The following NTSR1 variants were observed in gnomAD, a reference collection of about 807,000 sequenced individuals.
NTSR1 encodes neurotensin receptor type 1.
In NTSR1, 29 loss-of-function variants were observed where a neutral mutation model predicts 31.2. That is an observed-to-expected ratio of 0.93 (90% confidence interval 0.69 to 1.27). The LOEUF (loss-of-function observed/expected upper bound fraction) is 1.27, where lower values mean the gene tolerates loss of function less well. Among genes scored for constraint, NTSR1 ranks in the 50% most tolerant of loss-of-function variants. The probability of loss-of-function intolerance (pLI) is 0.00; values close to 1 mark genes in which losing one functional copy is unlikely to be tolerated. For missense variants in NTSR1, 697 were observed against 595.4 expected (o/e 1.17, Z -1.78); for synonymous variants, 282 against 269.9 (o/e 1.04, Z -0.44).
rs868664158 is a variant in NTSR1 at position 62,756,406 on chromosome 20, G to A, written c.916+1520G>A. On this transcript the variant is annotated intron_variant, in intron 2 of 3. Transcript: ENST00000370501. ...AACACAGGGCTTGGAGAGTGTGATGGGAACTGGAGAGAATGAAGCCCTTTC... is the reference window on the plus strand; with the variant it reads ...AACACAGGGCTTGGAGAGTGTGATGAGAACTGGAGAGAATGAAGCCCTTTC... Among the ~76,000 whole-genome samples the A allele has an allele frequency of 3.3e-5, 5 of 152,372 alleles. No homozygotes were observed. The South Asian group carries it at 6.2e-4, about 19-fold the overall frequency.
Position 62,741,119 on chromosome 20 carries a change from T to A in NTSR1, c.715-13566T>A, listed in dbSNP as rs997007445. Among the ~76,000 whole-genome samples, 2 of 151,848 alleles carry A rather than the reference T, an allele frequency of 1.3e-5. No individual in the cohort carries two copies. The highest frequency in any genetic ancestry group is 4.8e-5 in the African/African-American group (2 of 41,334). Reference sequence around the variant, plus strand: ...AGCACAGGTAGAGGAGGCAAGGGTGTCAGGAAGGCTCTTTCCCTAATCTGA... The same window carrying A: ...AGCACAGGTAGAGGAGGCAAGGGTGACAGGAAGGCTCTTTCCCTAATCTGA... On this transcript the variant is annotated intron_variant, in intron 1 of 3. Coordinates refer to ENST00000370501, the MANE Select transcript of NTSR1 (RefSeq NM_002531.3). The surrounding 1 kb of genome is among the most constrained non-coding windows in gnomAD (Gnocchi z 4.3).
In NTSR1 at chr20:62,709,228, G is replaced by A; in HGVS notation, c.21G>A (p.Ala7=). Residue 7 remains alanine (A), a synonymous_variant, in exon 1 of 4, where the codon GCG becomes GCA. Coordinates refer to ENST00000370501, the MANE Select transcript of NTSR1 (RefSeq NM_002531.3). MRLNSS[A]PGTPGTPAAD... ...CCACCATGCGCCTCAACAGCTCCGC[G>A]CCGGGAACCCCGGGCACGCCGGCCG... The A allele has an allele frequency of 6.7e-7, 1 of 1,485,922 alleles. No homozygotes were observed. Among genetic ancestry groups the A allele is most frequent in the Non-Finnish European group, 8.9e-7 (1 of 1,125,962 alleles). The allele number at this position is 1,485,922 out of a possible 1,614,324, so 92.0% of individuals were successfully genotyped here. A position where few individuals can be genotyped will look rare whatever the true frequency, so the allele number is the denominator to read the frequency against.
At position 62,715,080 on chromosome 20, in the gene NTSR1, T is replaced by C. The variant is rs1988688780; in HGVS notation, c.714+5159T>C. Among the ~76,000 whole-genome samples, 1 of 152,078 alleles carries C rather than the reference T, an allele frequency of 6.6e-6. No homozygotes were observed. The highest frequency in any genetic ancestry group is 2.4e-5 in the African/African-American group (1 of 41,388). On this transcript the variant is annotated intron_variant, in intron 1 of 3. Transcript: ENST00000370501. The surrounding 1 kb of genome is among the most constrained non-coding windows in gnomAD (Gnocchi z 4.7). ...GTCTTAAGTCTGTAATCATGGAAAG[T>C]GAGTGTTGATGACATTTTTGGCATG...
chr20:62,734,858 G>A (rs1218463293), intron 1 of NTSR1, among the ~76,000 whole-genome samples: 1 of 152,222 alleles, frequency 6.6e-6, no homozygotes, highest in African/African-American at 2.4e-5. Flanking sequence ...TTCCACTTTT[G>A]TAACATAGCT....
intron 1 of NTSR1, among the ~76,000 whole-genome samples, chr20:62,750,984 T>C (rs537954915): frequency 4.6e-4 from 70 of 152,286 alleles, no homozygotes; most frequent in Non-Finnish European, 4.4e-5. Flanking sequence ...CAAACAATCC[T>C]CCCATCTCAG....
chr20:62,735,888 TTCC>T (rs1989082813), intron 1 of NTSR1, among the ~76,000 whole-genome samples: 1 of 152,184 alleles, frequency 6.6e-6, no homozygotes, highest in Non-Finnish European at 1.5e-5. Flanking sequence ...CCAAGAACAG[TTCC>T]CCTTACCCTC....
At chr20:62,726,007 C>T in intron 1 of NTSR1, among the ~76,000 whole-genome samples, 1 of 152,202 alleles carries the variant, frequency 6.6e-6, no homozygotes, top group South Asian at 2.1e-4. Flanking sequence ...GCTGCCCTGT[C>T]CCTGCCCTGG....
intron 1 of NTSR1, among the ~76,000 whole-genome samples, chr20:62,716,486 T>C (rs1442766508): frequency 2.6e-5 from 2 of 77,034 alleles, no homozygotes; most frequent in Admixed American, 3.0e-4. Flanking sequence ...TCGTTGTGGA[T>C]CATAGCTCGT....
rs1005069188 is a variant in NTSR1 at position 62,760,907 on chromosome 20, C to G, written c.*640C>G. On this transcript the variant is annotated 3_prime_UTR_variant, in exon 4 of 4. Coordinates refer to ENST00000370501, the MANE Select transcript of NTSR1 (RefSeq NM_002531.3). ...CCTCGCCGCAGGCAGCTGCAGCCCC[C>G]AGAGGGGACCACAAGCCCAAAAAGG... 6.6e-6 allele frequency: 1 copy of G among 152,602 alleles called. No homozygotes were observed. The highest frequency in any genetic ancestry group is 1.5e-5 in the Non-Finnish European group (1 of 68,336). The allele number at this position is 152,602 out of a possible 1,614,324, so 9.5% of individuals were successfully genotyped here.
At chr20:62,738,074 C>CTGCAGTGCCCATCTGCCCACGTCTGCCCG (rs1262652790) in intron 1 of NTSR1, among the ~76,000 whole-genome samples, 1 of 152,204 alleles carries the variant, frequency 6.6e-6, no homozygotes, top group African/African-American at 2.4e-5. Flanking sequence ...GCCCCCCTCC[C>CTGCAGTGCCCATCTGCCCACGTCTGCCCG]CCTCCTCTGC....
At chr20:62,710,293 C>G (rs1041961245) in intron 1 of NTSR1, among the ~76,000 whole-genome samples, 2 of 152,248 alleles carry the variant, frequency 1.3e-5, no homozygotes, top group African/African-American at 4.8e-5. Context: ...ATGTTCCTTC[C>G]TCTGCAGAGA....
At position 62,761,604 on chromosome 20, in the gene NTSR1, A is replaced by C. The variant is rs562871269; in HGVS notation, c.*1337A>C. ...GAAGCAAAAGTCAGCCTTTTCTTCA[A>C]GGGATTTCCCTGTCTCAGAGCAGCC... On this transcript the variant is annotated 3_prime_UTR_variant, in exon 4 of 4. Transcript: ENST00000370501. 1.3e-5 allele frequency: 2 copies of C among 152,364 alleles called. No individual in the cohort carries two copies. Among genetic ancestry groups the C allele is most frequent in the African/African-American group, 2.4e-5 (1 of 41,594 alleles). The allele number at this position is 152,364 out of a possible 1,614,324, so 9.4% of individuals were successfully genotyped here. A position where few individuals can be genotyped will look rare whatever the true frequency, so the allele number is the denominator to read the frequency against.
intron 1 of NTSR1, among the ~76,000 whole-genome samples, chr20:62,716,101 G>C (rs79078507): frequency 1.9e-3 from 290 of 152,310 alleles, no homozygotes; most frequent in Non-Finnish European, 3.4e-3. Context: ...GTTGAGCGGC[G>C]TGAAGCACGT....
At chr20:62,737,353 C>T (rs1387038979) in intron 1 of NTSR1, among the ~76,000 whole-genome samples, 1 of 152,216 alleles carries the variant, frequency 6.6e-6, no homozygotes. Context: ...ACTCTCTGGA[C>T]CTTCACAGAA....
rs372880112 is a variant in NTSR1, at chr20:62,760,279, C to T, written c.*12C>T. On this transcript the variant is annotated 3_prime_UTR_variant, in exon 4 of 4. Transcript: ENST00000370501. The stretch of plus-strand genomic sequence containing the variant: ...AGACGCTGTACTAGGCTGTGCGCCC[C>T]GGAACGTGTCCAGGAGGAGCCTGGC... The T allele has an allele frequency of 9.3e-5, 148 of 1,593,798 alleles. No individual in the cohort carries two copies. The highest frequency in any genetic ancestry group is 1.2e-4 in the Non-Finnish European group (142 of 1,168,138).
chr20:62,731,581 A>G lies in NTSR1; in HGVS notation c.714+21660A>G, dbSNP rs372016134. Among the ~76,000 whole-genome samples the G allele has an allele frequency of 2.0e-5, 3 of 152,254 alleles. No homozygotes were observed. The East Asian group carries it at 5.8e-4, about 29-fold the overall frequency. On this transcript the variant is annotated intron_variant, in intron 1 of 3. Transcript: ENST00000370501. The stretch of plus-strand genomic sequence containing the variant: ...AAATGTGTTATTATCTATAAATTGT[A>G]TTATCTTGCATTTTATATTAAGGTC...
At chr20:62,738,215 G>A (rs879467838) in intron 1 of NTSR1, among the ~76,000 whole-genome samples, 37 of 152,328 alleles carry the variant, frequency 2.4e-4, no homozygotes, top group Admixed American at 2.4e-3. Context: ...ATGAACCCAG[G>A]TGCACGCAGA....
intron 1 of NTSR1, among the ~76,000 whole-genome samples, chr20:62,731,231 T>C (rs1988997423): frequency 6.6e-6 from 1 of 152,036 alleles, no homozygotes; most frequent in South Asian, 2.1e-4. Flanking sequence ...ATTACAGGCG[T>C]GCACCACCAT....
intron 1 of NTSR1, among the ~76,000 whole-genome samples, chr20:62,748,441 T>C (rs1164913984): frequency 6.6e-6 from 1 of 152,102 alleles, no homozygotes; most frequent in Non-Finnish European, 1.5e-5. Context: ...CTAGGATTCA[T>C]AGTGAACCAC....
Sources: allele counts gnomAD v4.1 joint callset (sites outside exome capture counted in the v4.1 genomes callset), GRCh38; gene constraint gnomAD v4.1.1; non-coding constraint Gnocchi (gnomAD v3.1); transcripts MANE v1.5; gene names NCBI Gene and HGNC (gene_info 2026-07-23, HGNC 2026-07-21).